CACNA1D: variants seen among roughly 807,000 people sequenced by gnomAD.
The protein encoded by CACNA1D is calcium voltage-gated channel subunit alpha1 D.
Under a neutral mutation model 257.1 loss-of-function variants are expected in CACNA1D, and 55 were observed. That is an observed-to-expected ratio of 0.21 (90% CI 0.17 to 0.27). The LOEUF (loss-of-function observed/expected upper bound fraction) is 0.27, where lower values mean the gene tolerates loss of function less well. Ranked by LOEUF, CACNA1D falls within the 10% of genes least tolerant of loss-of-function variation. The pLI, the probability that CACNA1D is intolerant of heterozygous loss-of-function variation, is 1.00. For missense variants in CACNA1D, 1,876 were observed against 2,784.0 expected (o/e 0.67, Z 7.34); for synonymous variants, 980 against 1,014.9 (o/e 0.97, Z 0.65).
At chr3:53,518,409 C>G (rs559845483) in intron 3 of CACNA1D, among the ~76,000 whole-genome samples, 1 of 152,136 alleles carries the variant, frequency 6.6e-6, no homozygotes, top group Non-Finnish European at 1.5e-5. Context: ...TACCAGGCAC[C>G]TTGAAGTTGC....
chr3:53,725,303 G>A (rs1214205413), intron 14 of CACNA1D, among the ~76,000 whole-genome samples: 2 of 152,038 alleles, frequency 1.3e-5, no homozygotes, highest in East Asian at 1.9e-4. Flanking sequence ...CCTTTGAAAC[G>A]CTGCGTCCAT....
At chr3:53,765,357 T>A (rs546464510) in intron 30 of CACNA1D, 1 of 152,790 alleles carries the variant, frequency 6.5e-6, no homozygotes, top group East Asian at 1.9e-4. Context: ...GTCATCATTG[T>A]TTGCAATGTT....
At position 53,568,241 on chromosome 3, in the gene CACNA1D, T is replaced by A. The variant is rs2092881995; in HGVS notation, c.483+66521T>A. 2.0e-5 allele frequency among the ~76,000 whole-genome samples: 3 copies of A among 152,214 alleles called. No homozygotes were observed. In the East Asian group the frequency reaches 5.8e-4, roughly 29 times the overall value. ...GAGCAGCTAAGCGTGATTGGAAATG[T>A]CATTCAGCTACGATGACTGGTATTC... On this transcript the variant is annotated intron_variant, in intron 3 of 47. Coordinates refer to ENST00000350061, the MANE Select transcript of CACNA1D (RefSeq NM_001128840.3).
chr3:53,540,621 C>T (rs967887661), intron 3 of CACNA1D, among the ~76,000 whole-genome samples: 1 of 151,802 alleles, frequency 6.6e-6, no homozygotes, highest in African/African-American at 2.4e-5. Context: ...AAATTGACAC[C>T]AAAGAAATAA....
At chr3:53,648,808 C>CTG (rs1307441786) in intron 3 of CACNA1D, among the ~76,000 whole-genome samples, 3 of 148,652 alleles carry the variant, frequency 2.0e-5, no homozygotes, top group African/African-American at 7.7e-5. Context: ...TATAAACACA[C>CTG]TGATGCTGGC....
intron 40 of CACNA1D, chr3:53,799,993 G>A: frequency 1.8e-6 from 1 of 541,068 alleles, no homozygotes; most frequent in Non-Finnish European, 3.3e-6. Context: ...GTGTTCCTTG[G>A]AAGTGGGGGT....
chr3:53,568,653 C>T (rs1056243284), intron 3 of CACNA1D, among the ~76,000 whole-genome samples: 1 of 152,200 alleles, frequency 6.6e-6, no homozygotes, highest in African/African-American at 2.4e-5. Context: ...TGCCTCTCTC[C>T]TGCTGTCAGC....
chr3:53,691,783 A>G (rs1244162183), intron 8 of CACNA1D, among the ~76,000 whole-genome samples: 1 of 65,992 alleles, frequency 1.5e-5, no homozygotes, highest in Non-Finnish European at 3.0e-5. Flanking sequence ...TATTATATCT[A>G]TAATATATAT....
At chr3:53,651,761 T>C (rs1365932159) in intron 4 of CACNA1D, among the ~76,000 whole-genome samples, 1 of 152,242 alleles carries the variant, frequency 6.6e-6, no homozygotes, top group East Asian at 1.9e-4. Context: ...CCTCAAATTA[T>C]GTTTCTGTAA....
intron 3 of CACNA1D, among the ~76,000 whole-genome samples, chr3:53,520,688 C>G (rs902174727): frequency 6.6e-6 from 1 of 152,002 alleles, no homozygotes; most frequent in Non-Finnish European, 1.5e-5. Context: ...ATCGCTTGAA[C>G]CCAGGAGGTG....
chr3:53,730,610 C>T, intron 16 of CACNA1D, 54 bp downstream of exon 16: 1 of 1,295,508 alleles, frequency 7.7e-7, no homozygotes, highest in Non-Finnish European at 1.1e-6. Flanking sequence ...GGGAGCCCTG[C>T]AACAGTTGCA....
At chr3:53,645,006 T>C (rs1196855507) in intron 3 of CACNA1D, among the ~76,000 whole-genome samples, 1 of 152,258 alleles carries the variant, frequency 6.6e-6, no homozygotes, top group Non-Finnish European at 1.5e-5. Context: ...TTTTTGACAA[T>C]AGCCATTCCA....
At chr3:53,685,091 G>C (rs2094463370) in intron 8 of CACNA1D, among the ~76,000 whole-genome samples, 1 of 152,094 alleles carries the variant, frequency 6.6e-6, no homozygotes, top group Non-Finnish European at 1.5e-5. Flanking sequence ...TTAAAAGATA[G>C]AAATTGTCAG....
chr3:53,603,915 G>C (rs1055428862), intron 3 of CACNA1D, among the ~76,000 whole-genome samples: 1 of 152,220 alleles, frequency 6.6e-6, no homozygotes, highest in African/African-American at 2.4e-5. Context: ...ACTGGTGTTT[G>C]GTAACTTCTG....
intron 38 of CACNA1D, 39 bp from the exon 39 acceptor site, chr3:53,781,527 A>C: frequency 7.2e-7 from 1 of 1,381,222 alleles, no homozygotes; most frequent in Non-Finnish European, 1.0e-6. Context: ...GGGGAACAGA[A>C]ATGAGGCTTG....
intron 5 of CACNA1D, 94 bp downstream of exon 5, chr3:53,660,369 G>T: frequency 8.1e-7 from 1 of 1,236,874 alleles, no homozygotes; most frequent in Non-Finnish European, 1.2e-6. Context: ...GAGTTGCTCT[G>T]TGCCAGCCAG....
intron 3 of CACNA1D, among the ~76,000 whole-genome samples, chr3:53,552,124 G>A (rs970032816): frequency 6.6e-6 from 1 of 152,190 alleles, no homozygotes; most frequent in African/African-American, 2.4e-5. Flanking sequence ...TGGCAGACCT[G>A]GGGTATCTCT....
intron 20 of CACNA1D, 141 bp from the exon 21 acceptor site, chr3:53,740,139 G>C: frequency 1.3e-6 from 1 of 756,418 alleles, no homozygotes; most frequent in Non-Finnish European, 2.4e-6. Flanking sequence ...TTCACCCGTG[G>C]CTCTGCACTT....
chr3:53,537,326 G>A (rs1231331461), intron 3 of CACNA1D, among the ~76,000 whole-genome samples: 1 of 152,110 alleles, frequency 6.6e-6, no homozygotes, highest in Non-Finnish European at 1.5e-5. Flanking sequence ...TGAACCCTGT[G>A]TACCCATCAT....
Sources: gnomAD v4.1 joint callset for allele counts (sites outside exome capture counted in the v4.1 genomes callset) on GRCh38, gnomAD v4.1.1 for gene constraint, MANE v1.5 for transcripts, NCBI Gene and HGNC (gene_info 2026-07-23, HGNC 2026-07-21) for gene names.